The following CCNY variants were observed in gnomAD, a reference collection of about 807,000 sequenced individuals.
CCNY encodes cyclin-Y.
CCNY carries 19 observed loss-of-function variants against 42.8 expected under a neutral mutation model. The ratio of observed to expected loss-of-function variants is 0.44; its 90% confidence interval spans 0.31 to 0.65. CCNY has a LOEUF of 0.65. CCNY is among the 30% of genes least tolerant of loss of function. The pLI is 0.07. For synonymous variants in CCNY, 165 were observed against 162.7 expected, an observed-to-expected ratio of 1.01 and a Z score of -0.11; for missense variants, 370 against 437.3, an observed-to-expected ratio of 0.85 and a Z score of 1.37.
In CCNY at chr10:35,375,439, T is replaced by A. The variant is rs116792614; in HGVS notation, c.154+38232T>A. Among the ~76,000 whole-genome samples, 283 of 152,288 alleles carry A rather than the reference T, an allele frequency of 1.9e-3. 2 individuals are homozygous for A. The highest frequency in any genetic ancestry group is 6.5e-3 in the African/African-American group (269 of 41,552). ...GATTATGTTGGGTCCACCTGGAAAA[T>A]CTGGGCTCATCTCTCTACCTTGAAG... On this transcript the variant is annotated intron_variant, in intron 1 of 9. Transcript: ENST00000374704.
intron 1 of CCNY, among the ~76,000 whole-genome samples, chr10:35,340,697 T>G (rs1219528655): frequency 6.6e-6 from 1 of 151,930 alleles, no homozygotes; most frequent in African/African-American, 2.4e-5. Flanking sequence ...AGAGATGGGG[T>G]TTCTCCATAT....
At chr10:35,496,406 G>T (rs1840004213) in intron 2 of CCNY, among the ~76,000 whole-genome samples, 1 of 152,206 alleles carries the variant, frequency 6.6e-6, no homozygotes, top group African/African-American at 2.4e-5. Context: ...TCCCTTCCTT[G>T]GCCTGCTTGG....
intron 2 of CCNY, among the ~76,000 whole-genome samples, chr10:35,485,181 C>G (rs981742205): frequency 2.0e-5 from 3 of 152,232 alleles, no homozygotes; most frequent in African/African-American, 7.2e-5. Context: ...TTCTACCTCT[C>G]TCCCTGTCCA....
chr10:35,565,917 TG>T, intron 8 of CCNY, 105 bp from the exon 9 acceptor site: 2 of 1,107,012 alleles, frequency 1.8e-6, no homozygotes, highest in Non-Finnish European at 2.6e-6. Context: ...CTGGTCTTCC[TG>T]GAGGATGCAG....
intron 1 of CCNY, among the ~76,000 whole-genome samples, chr10:35,460,994 G>T (rs1839146207): frequency 6.6e-6 from 1 of 152,088 alleles, no homozygotes; most frequent in Non-Finnish European, 1.5e-5. Flanking sequence ...GAAGAGTGGG[G>T]AGCAGTGGGC....
intron 8 of CCNY, among the ~76,000 whole-genome samples, chr10:35,558,448 A>G (rs187328768): frequency 2.1e-4 from 32 of 152,338 alleles, no homozygotes; most frequent in East Asian, 5.8e-4. Context: ...TATAAATTGA[A>G]TGCATATCCC....
At chr10:35,256,601 G>A (rs1005254968) in intron 3 of CCNY, among the ~76,000 whole-genome samples, 3 of 151,732 alleles carry the variant, frequency 2.0e-5, no homozygotes, top group Non-Finnish European at 4.4e-5. Flanking sequence ...GTGTGGTGGC[G>A]GGTGCCTGTA....
At chr10:35,404,078 G>A (rs2135234193) in intron 1 of CCNY, among the ~76,000 whole-genome samples, 1 of 152,366 alleles carries the variant, frequency 6.6e-6, no homozygotes, top group Non-Finnish European at 1.5e-5. Context: ...TACAGCTGAA[G>A]GAGCCAGGGA....
chr10:35,255,123 TAGAC>T (rs1263067494), intron 3 of CCNY, among the ~76,000 whole-genome samples: 1 of 152,130 alleles, frequency 6.6e-6, no homozygotes, highest in South Asian at 2.1e-4. Context: ...ATATGTCTAA[TAGAC>T]AGACAGTTGG....
At chr10:35,376,537 A>G (rs188149606) in intron 1 of CCNY, among the ~76,000 whole-genome samples, 4 of 152,350 alleles carry the variant, frequency 2.6e-5, no homozygotes, top group African/African-American at 9.6e-5. Context: ...GAGTGCCAAC[A>G]TGATGCTCAA....
intron 3 of CCNY, among the ~76,000 whole-genome samples, chr10:35,513,195 T>C (rs1322388879): frequency 6.6e-6 from 1 of 152,204 alleles, no homozygotes; most frequent in Non-Finnish European, 1.5e-5. Flanking sequence ...ATTCGATTAT[T>C]CTGCATATTC....
chr10:35,472,717 G>A (rs1414633371), intron 1 of CCNY, among the ~76,000 whole-genome samples: 1 of 152,186 alleles, frequency 6.6e-6, no homozygotes, highest in Non-Finnish European at 1.5e-5. Context: ...CAGTATAATC[G>A]TGAAGGTAAA....
chr10:35,268,442 T>C (rs563981367), intron 3 of CCNY, among the ~76,000 whole-genome samples: 2 of 152,328 alleles, frequency 1.3e-5, no homozygotes, highest in Non-Finnish European at 2.9e-5. Context: ...GAGGCTTCCC[T>C]GCCCCCGTGG....
chr10:35,461,337 C>A (rs1008431186), intron 1 of CCNY, among the ~76,000 whole-genome samples: 2 of 151,944 alleles, frequency 1.3e-5, no homozygotes, highest in African/African-American at 4.8e-5. Context: ...AATTTATGGC[C>A]AAGGAGCAAG....
At chr10:35,367,136 C>T (rs1343143199) in intron 1 of CCNY, among the ~76,000 whole-genome samples, 1 of 152,174 alleles carries the variant, frequency 6.6e-6, no homozygotes, top group African/African-American at 2.4e-5. Flanking sequence ...TTGGGTACCA[C>T]TTTAAAACCT....
intron 7 of CCNY, among the ~76,000 whole-genome samples, chr10:35,548,909 G>C (rs1205636366): frequency 6.6e-6 from 1 of 152,086 alleles, no homozygotes; most frequent in African/African-American, 2.4e-5. Context: ...TCCATTCTAA[G>C]GAACATCTGA....
intron 7 of CCNY, among the ~76,000 whole-genome samples, chr10:35,547,097 TCATC>T (rs1204053258): frequency 6.6e-6 from 1 of 152,172 alleles, no homozygotes; most frequent in Non-Finnish European, 1.5e-5. Flanking sequence ...AGAGGATTTG[TCATC>T]AGCCTTTGTA....
At chr10:35,501,719 C>G in intron 3 of CCNY, 184 bp downstream of exon 3, 1 of 551,246 alleles carries the variant, frequency 1.8e-6, no homozygotes, top group East Asian at 2.8e-5. Context: ...GTCCACTGTC[C>G]CAAATATTTT....
At chr10:35,355,678 C>CAA (rs60257114) in intron 1 of CCNY, among the ~76,000 whole-genome samples, 14,078 of 57,386 alleles carry the variant, frequency 0.25, 4,706 homozygotes, top group East Asian at 0.28. Flanking sequence ...ATACTGTCTC[C>CAA]AAAAAAAAAA....
Sources: allele counts gnomAD v4.1 joint callset (sites outside exome capture counted in the v4.1 genomes callset), GRCh38; gene constraint gnomAD v4.1.1; transcripts MANE v1.5; gene names NCBI Gene and HGNC (gene_info 2026-07-23, HGNC 2026-07-21).